Variants in ERBB4 observed in about 807,000 individuals in gnomAD.
ERBB4 encodes receptor tyrosine-protein kinase erbB-4.
A neutral mutation model predicts 158.0 loss-of-function variants in ERBB4; 42 were observed. That is an observed-to-expected ratio of 0.27 (90% CI 0.21 to 0.34). The LOEUF (loss-of-function observed/expected upper bound fraction) is 0.34, where lower values mean the gene tolerates loss of function less well. Among genes scored for constraint, ERBB4 ranks in the 10% least tolerant of loss-of-function variants. ERBB4 has a pLI of 1.00. For synonymous variants in ERBB4, 583 were observed against 558.7 expected (o/e 1.04, Z -0.61); for missense variants, 1,333 against 1,624.1 (o/e 0.82, Z 3.08).
At chr2:211,391,893 T>C (rs1314437180) in intron 25 of ERBB4, among the ~76,000 whole-genome samples, 1 of 152,198 alleles carries the variant, frequency 6.6e-6, no homozygotes, top group Non-Finnish European at 1.5e-5. Flanking sequence ...ACAGGCCTAA[T>C]GCCTAGCTTC....
intron 3 of ERBB4, among the ~76,000 whole-genome samples, chr2:211,905,517 C>T (rs2125042395): frequency 6.6e-6 from 1 of 151,578 alleles, no homozygotes; most frequent in South Asian, 2.1e-4. Flanking sequence ...CCATCTACCT[C>T]TCAAATGATA....
At chr2:211,396,936 A>G (rs919588777) in intron 25 of ERBB4, among the ~76,000 whole-genome samples, 1 of 152,212 alleles carries the variant, frequency 6.6e-6, no homozygotes, top group Non-Finnish European at 1.5e-5. Flanking sequence ...TCCACCTGGA[A>G]TTAGGACAGC....
chr2:211,572,719 T>C (rs2067766304), intron 19 of ERBB4, among the ~76,000 whole-genome samples: 1 of 152,232 alleles, frequency 6.6e-6, no homozygotes, highest in African/African-American at 2.4e-5. Context: ...ATCCTGCTCC[T>C]ACTTTTATAA....
chr2:212,454,823 G>C (rs896081106), intron 1 of ERBB4, among the ~76,000 whole-genome samples: 4 of 152,026 alleles, frequency 2.6e-5, no homozygotes, highest in Non-Finnish European at 5.9e-5. Context: ...AAGTGAAGCA[G>C]TTGGACTCAA....
chr2:212,221,346 T>G (rs17417461), intron 1 of ERBB4, among the ~76,000 whole-genome samples: 23,151 of 151,558 alleles, frequency 0.15, 2,304 homozygotes, highest in Non-Finnish European at 0.21. Flanking sequence ...AAGGATGTTC[T>G]TGTTAAAATT....
At chr2:212,008,212 G>C (rs73988936) in intron 2 of ERBB4, among the ~76,000 whole-genome samples, 9,967 of 151,900 alleles carry the variant, frequency 0.066, 1,026 homozygotes, top group African/African-American at 0.22. Context: ...TCTACAGGGG[G>C]GTTTTACACA....
chr2:211,739,317 C>T (rs1028274326), intron 5 of ERBB4, among the ~76,000 whole-genome samples: 34 of 152,178 alleles, frequency 2.2e-4, no homozygotes, highest in African/African-American at 7.7e-4. Context: ...ACATTTGCCT[C>T]CAAATGTCTA....
intron 12 of ERBB4, among the ~76,000 whole-genome samples, chr2:211,699,586 G>A (rs373409691): frequency 1.3e-5 from 2 of 151,946 alleles, no homozygotes; most frequent in East Asian, 1.9e-4. Context: ...TTTATTCTAA[G>A]ACGTTAAAAA....
At chr2:211,986,179 C>A (rs1344594518) in intron 2 of ERBB4, among the ~76,000 whole-genome samples, 3 of 152,168 alleles carry the variant, frequency 2.0e-5, no homozygotes, top group Non-Finnish European at 2.9e-5. Flanking sequence ...GGAACAGATT[C>A]TTTCTCAGAG....
At chr2:211,971,629 A>G (rs1165584649) in intron 2 of ERBB4, among the ~76,000 whole-genome samples, 1 of 152,174 alleles carries the variant, frequency 6.6e-6, no homozygotes, top group Admixed American at 6.5e-5. Context: ...AATATTTTTG[A>G]TGTTCATTCA....
At chr2:211,795,897 A>C (rs910176771) in intron 3 of ERBB4, among the ~76,000 whole-genome samples, 2 of 151,950 alleles carry the variant, frequency 1.3e-5, no homozygotes, top group African/African-American at 4.8e-5. Context: ...AAGTGGTAAT[A>C]GATATTGGTG....
At chr2:211,548,981 A>G (rs1481066129) in intron 20 of ERBB4, among the ~76,000 whole-genome samples, 1 of 152,120 alleles carries the variant, frequency 6.6e-6, no homozygotes, top group Non-Finnish European at 1.5e-5. Context: ...CCAGTTCCAC[A>G]AAAGAAAATT....
At chr2:211,594,464 A>C (rs550750475) in intron 19 of ERBB4, among the ~76,000 whole-genome samples, 74 of 152,206 alleles carry the variant, frequency 4.9e-4, no homozygotes, top group African/African-American at 1.7e-3. Flanking sequence ...TAAAAAAAAA[A>C]AACTAAGCAA....
At chr2:211,661,716 A>T (rs1430850498) in intron 15 of ERBB4, among the ~76,000 whole-genome samples, 1 of 152,126 alleles carries the variant, frequency 6.6e-6, no homozygotes, top group Non-Finnish European at 1.5e-5. Context: ...TCATTATATC[A>T]GTTTAAGAAT....
intron 1 of ERBB4, among the ~76,000 whole-genome samples, chr2:212,313,786 A>G (rs1415242678): frequency 6.6e-6 from 1 of 150,958 alleles, no homozygotes; most frequent in African/African-American, 2.4e-5. Flanking sequence ...ATTTGTCTTT[A>G]TTCTTAATAT....
rs138682351 is a variant in ERBB4, at chr2:211,984,501, C to T, written c.235-36885G>A. ...CCTTCAAAGTAACACTAATCTAAACCCTGTACCTTAGGCTGTCATGTGTAC... is the reference window on the plus strand; with the variant it reads ...CCTTCAAAGTAACACTAATCTAAACTCTGTACCTTAGGCTGTCATGTGTAC... On this transcript the variant is annotated intron_variant, in intron 2 of 27. Transcript: ENST00000342788. Among the ~76,000 whole-genome samples, 380 of 152,076 alleles carry T rather than the reference C, an allele frequency of 2.5e-3. 4 individuals carry two copies. Among genetic ancestry groups the T allele is most frequent in the African/African-American group, 8.8e-3 (364 of 41,496 alleles).
chr2:212,408,955 C>G (rs1346813800), intron 1 of ERBB4, among the ~76,000 whole-genome samples: 2 of 152,214 alleles, frequency 1.3e-5, no homozygotes, highest in Non-Finnish European at 2.9e-5. Context: ...TCAGCTATAT[C>G]ACCTGGCTAC....
At chr2:211,740,277 T>C (rs1186154168) in intron 5 of ERBB4, among the ~76,000 whole-genome samples, 1 of 152,060 alleles carries the variant, frequency 6.6e-6, no homozygotes, top group Non-Finnish European at 1.5e-5. Flanking sequence ...ATATACAAAT[T>C]ATTTTTTAAA....
intron 1 of ERBB4, among the ~76,000 whole-genome samples, chr2:212,363,030 A>C (rs931320938): frequency 6.6e-6 from 1 of 151,454 alleles, no homozygotes; most frequent in Admixed American, 6.6e-5. Flanking sequence ...CATTAATTTA[A>C]ATAACAGCAG....
Sources: allele counts gnomAD v4.1 joint callset (sites outside exome capture counted in the v4.1 genomes callset), GRCh38; gene constraint gnomAD v4.1.1; transcripts MANE v1.5; gene names NCBI Gene and HGNC (gene_info 2026-07-23, HGNC 2026-07-21).